TEX14: variants seen among roughly 807,000 people sequenced by gnomAD.
The protein encoded by TEX14 is testis expressed 14, intercellular bridge forming factor.
TEX14 carries 168 observed loss-of-function variants against 178.6 expected under a neutral mutation model. That is an observed-to-expected ratio of 0.94 (90% CI 0.83 to 1.07). The LOEUF is 1.07. Ranked by LOEUF, TEX14 falls within the 50% of genes least tolerant of loss-of-function variation. The probability of loss-of-function intolerance (pLI) is 0.00; values close to 1 mark genes in which losing one functional copy is unlikely to be tolerated. For synonymous variants in TEX14, 626 were observed against 634.1 expected (o/e 0.99, Z 0.19); for missense variants, 1,730 against 1,753.6 (o/e 0.99, Z 0.24).
At chr17:58,605,658 C>G (rs2045590016) in intron 10 of TEX14, among the ~76,000 whole-genome samples, 1 of 152,230 alleles carries the variant, frequency 6.6e-6, no homozygotes, top group Non-Finnish European at 1.5e-5. Flanking sequence ...ACCTCATGTT[C>G]TTCAAGTCTT....
intron 2 of TEX14, among the ~76,000 whole-genome samples, chr17:58,644,342 G>C (rs893548626): frequency 1.3e-5 from 2 of 151,690 alleles, no homozygotes; most frequent in African/African-American, 4.8e-5. Context: ...TTTTGTTTTT[G>C]TTTTTTTTGA....
In TEX14 at chr17:58,622,879, C is replaced by A; in HGVS notation, c.385G>T (p.Ala129Ser). 2.0e-5 allele frequency: 33 copies of A among 1,611,796 alleles called. No homozygotes were observed. The highest frequency in any genetic ancestry group is 2.6e-5 in the Non-Finnish European group (31 of 1,178,326). The change falls in exon 4 of 32, where the codon GCT (alanine) becomes TCT (serine). Residue 129 changes from alanine (A) to serine (S), a missense_variant. Ala to Ser is a moderately conservative substitution (Grantham distance 99, BLOSUM62 1). Around this residue, in one of 2 missense-constraint regions of TEX14, gnomAD observed 789 missense variants for 681.2 expected, o/e 1.16. Transcript: ENST00000349033. ...CTACGCTCCTTTCCTGCTGTCAAAG[C>A]CCAAGTCTTCGGGTTTTGACCCCTC... is the stretch of plus-strand genomic sequence containing the variant. Reference protein sequence around the residue: ...DERGQNPKTWALTAGKERSTQ... With the variant: ...DERGQNPKTWSLTAGKERSTQ...
intron 1 of TEX14, among the ~76,000 whole-genome samples, chr17:58,673,947 A>G (rs565936964): frequency 6.6e-6 from 1 of 152,114 alleles, no homozygotes; most frequent in South Asian, 2.1e-4. Flanking sequence ...AACATCTTCA[A>G]GGTAGTAAAT....
At chr17:58,666,707 G>C (rs1249502951) in intron 1 of TEX14, 1 of 152,162 alleles carries the variant, frequency 6.6e-6, no homozygotes, top group Non-Finnish European at 1.5e-5. Context: ...TGAGGTACTT[G>C]CGTGACCCCA....
intron 1 of TEX14, among the ~76,000 whole-genome samples, chr17:58,690,949 G>A (rs1287998916): frequency 6.6e-6 from 1 of 152,092 alleles, no homozygotes; most frequent in African/African-American, 2.4e-5. Flanking sequence ...TCACTCCCAG[G>A]CTGAAGGGAT....
At chr17:58,577,351 G>T in intron 21 of TEX14, 24 bp downstream of exon 21, 6 of 1,061,642 alleles carry the variant, frequency 5.7e-6, no homozygotes, top group South Asian at 1.7e-5. Context: ...GTTTGAAACT[G>T]CATAAGATAA....
At chr17:58,635,619 A>T (rs2046417650) in intron 2 of TEX14, among the ~76,000 whole-genome samples, 1 of 152,146 alleles carries the variant, frequency 6.6e-6, no homozygotes, top group Admixed American at 6.6e-5. Flanking sequence ...TAATAGATAC[A>T]GGGTTTCACC....
chr17:58,622,306 T>A (rs2046016812), intron 4 of TEX14, among the ~76,000 whole-genome samples: 6 of 151,678 alleles, frequency 4.0e-5, no homozygotes, highest in Admixed American at 3.9e-4. Flanking sequence ...GTTAGCTGAG[T>A]GTGGTGGTGC....
chr17:58,588,172 G>A, intron 15 of TEX14, 151 bp from the exon 16 acceptor site: 2 of 603,182 alleles, frequency 3.3e-6, no homozygotes, highest in South Asian at 4.0e-5. Context: ...ACAATCCCTG[G>A]GCTGTTGCAG....
At chr17:58,615,607 T>C (rs2045855228) in intron 7 of TEX14, among the ~76,000 whole-genome samples, 1 of 151,690 alleles carries the variant, frequency 6.6e-6, no homozygotes, top group Non-Finnish European at 1.5e-5. Context: ...AACACAACGT[T>C]ACCGGCAATG....
At chr17:58,680,205 C>T (rs1005329762) in intron 1 of TEX14, among the ~76,000 whole-genome samples, 7 of 152,026 alleles carry the variant, frequency 4.6e-5, no homozygotes, top group African/African-American at 7.2e-5. Flanking sequence ...CAAAAACAGG[C>T]GCGCACGGCT....
At chr17:58,559,619 G>T in intron 29 of TEX14, 57 bp from the exon 30 acceptor site, 1 of 818,876 alleles carries the variant, frequency 1.2e-6, no homozygotes, top group South Asian at 1.5e-5. Flanking sequence ...AAGAAAACAG[G>T]ACTGTACTCA....
At chr17:58,591,759 C>T (rs990175621) in intron 15 of TEX14, among the ~76,000 whole-genome samples, 12 of 150,640 alleles carry the variant, frequency 8.0e-5, no homozygotes, top group African/African-American at 2.2e-4. Context: ...ACTAGTCTGT[C>T]GTGAAAAACA....
At chr17:58,671,245 A>T (rs576957422) in intron 1 of TEX14, among the ~76,000 whole-genome samples, 9 of 152,312 alleles carry the variant, frequency 5.9e-5, no homozygotes, top group African/African-American at 2.2e-4. Flanking sequence ...AATAGACTAG[A>T]GAGGGTTTCT....
chr17:58,625,969 C>T (rs535709787), intron 3 of TEX14, among the ~76,000 whole-genome samples: 2 of 151,370 alleles, frequency 1.3e-5, no homozygotes, highest in Non-Finnish European at 2.9e-5. Flanking sequence ...AGGATGGTCT[C>T]GATCTCCTGA....
At chr17:58,664,081 A>G (rs975511677) in intron 1 of TEX14, among the ~76,000 whole-genome samples, 14 of 152,160 alleles carry the variant, frequency 9.2e-5, no homozygotes, top group African/African-American at 3.4e-4. Flanking sequence ...CCAACTCCAC[A>G]CTATTTAGTA....
chr17:58,642,051 C>T (rs1001199527), intron 2 of TEX14, among the ~76,000 whole-genome samples: 1 of 152,204 alleles, frequency 6.6e-6, no homozygotes, highest in Non-Finnish European at 1.5e-5. Context: ...GCATTAAATA[C>T]ATCATCTCTC....
intron 1 of TEX14, chr17:58,660,791 C>T (rs1300051253): frequency 1.3e-6 from 1 of 781,480 alleles, no homozygotes; most frequent in Middle Eastern, 2.3e-4. Flanking sequence ...ATACCAGTCA[C>T]TCACTGTCAT....
intron 1 of TEX14, 75 bp downstream of exon 1, chr17:58,691,864 C>A (rs923108530): frequency 6.6e-6 from 1 of 152,210 alleles, no homozygotes; most frequent in Non-Finnish European, 1.5e-5. Flanking sequence ...ACAAAAGGAG[C>A]TCTTGTGTAG....
Sources: allele counts gnomAD v4.1 joint callset (sites outside exome capture counted in the v4.1 genomes callset), GRCh38; gene constraint gnomAD v4.1.1; regional missense constraint gnomAD v4.1.1; transcripts MANE v1.5; gene names NCBI Gene and HGNC (gene_info 2026-07-23, HGNC 2026-07-21).